PARN: variants seen among roughly 807,000 people sequenced by gnomAD.
PARN encodes the protein poly(A)-specific ribonuclease PARN.
Under a neutral mutation model 102.8 loss-of-function variants are expected in PARN, and 71 were observed. That is an observed-to-expected ratio of 0.69 (90% confidence interval 0.57 to 0.84). The LOEUF (loss-of-function observed/expected upper bound fraction) is 0.84. PARN is among the 40% of genes least tolerant of loss of function. The probability of loss-of-function intolerance (pLI) is 0.00; values close to 1 mark genes in which losing one functional copy is unlikely to be tolerated. For missense variants in PARN, 782 were observed against 760.9 expected (o/e 1.03, Z -0.33); for synonymous variants, 261 against 252.9 (o/e 1.03, Z -0.30).
At chr16:14,520,819 A>G (rs896665558) in intron 21 of PARN, among the ~76,000 whole-genome samples, 2 of 152,240 alleles carry the variant, frequency 1.3e-5, no homozygotes, top group African/African-American at 2.4e-5. Context: ...GAGATGAAAC[A>G]GGACTGGCCA....
At chr16:14,499,492 A>G (rs1030399202) in intron 21 of PARN, among the ~76,000 whole-genome samples, 2 of 152,196 alleles carry the variant, frequency 1.3e-5, no homozygotes, top group African/African-American at 4.8e-5. Flanking sequence ...CTGGACATTA[A>G]AAGGATCTGT....
chr16:14,538,812 C>T (rs1388873176), intron 21 of PARN, among the ~76,000 whole-genome samples: 1 of 152,144 alleles, frequency 6.6e-6, no homozygotes, highest in East Asian at 1.9e-4. Flanking sequence ...TTTACAGCCA[C>T]TCCCCATCGC....
In PARN at chr16:14,552,067, G is replaced by A. The variant is rs368012289; in HGVS notation, c.1434C>T (p.Asp478=). ...GGCTAAGGGAAACAAATGCTGATGTGTCATCAATCCAGGATATCTGAATGT... is the reference window on the plus strand; with the variant it reads ...GGCTAAGGGAAACAAATGCTGATGTATCATCAATCCAGGATATCTGAATGT... The part of the protein sequence containing the change: ...FGNIQISWID[D]TSAFVSLSQP... Residue 478 remains aspartate (D), a synonymous_variant, in exon 21 of 24, where the codon GAC becomes GAT. Transcript: ENST00000437198. 60 of 1,611,760 alleles carry A rather than the reference G, an allele frequency of 3.7e-5. No individual in the cohort carries two copies. In the African/African-American group the frequency reaches 7.2e-4, roughly 19 times the overall value.
intron 21 of PARN, among the ~76,000 whole-genome samples, chr16:14,532,827 C>G (rs1966422009): frequency 6.6e-6 from 1 of 151,030 alleles, no homozygotes; most frequent in Admixed American, 6.6e-5. Flanking sequence ...CCACCTCCCT[C>G]CCGGACGGGG....
chr16:14,447,574 C>G (rs1320499665), intron 22 of PARN, among the ~76,000 whole-genome samples: 1 of 152,210 alleles, frequency 6.6e-6, no homozygotes, highest in Non-Finnish European at 1.5e-5. Flanking sequence ...GCATACCCCA[C>G]CTTCATGTAA....
At chr16:14,472,860 C>T (rs1323361046) in intron 22 of PARN, among the ~76,000 whole-genome samples, 1 of 152,190 alleles carries the variant, frequency 6.6e-6, no homozygotes, top group African/African-American at 2.4e-5. Context: ...ACACTTTCTT[C>T]TCAATGTCCC....
At chr16:14,523,839 G>A (rs970474695) in intron 21 of PARN, among the ~76,000 whole-genome samples, 1 of 151,984 alleles carries the variant, frequency 6.6e-6, no homozygotes, top group African/African-American at 2.4e-5. Context: ...TAATGAAGGG[G>A]TATGTTCTGA....
chr16:14,626,013 T>C (rs1972631538), intron 5 of PARN, among the ~76,000 whole-genome samples: 1 of 152,204 alleles, frequency 6.6e-6, no homozygotes, highest in African/African-American at 2.4e-5. Flanking sequence ...GTCTACCAGG[T>C]CAGCTACAAC....
In PARN at chr16:14,610,052, AAAAAT is replaced by A. The variant is rs144968040; in HGVS notation, c.554+587_554+591del. Among the ~76,000 whole-genome samples, 497 of 152,304 alleles carry A rather than the reference AAAAAT, an allele frequency of 3.3e-3. 3 individuals carry two copies. Among genetic ancestry groups the A allele is most frequent in the African/African-American group, 0.011 (477 of 41,554 alleles). Reference sequence around the variant, plus strand: ...CATAGTGAGATCCGTCTCTATTAAAAAAAATAAAATAAAATAAAAAATCCACGCAG... The same window carrying A: ...CATAGTGAGATCCGTCTCTATTAAAAAAAATAAAATAAAAAATCCACGCAG... On this transcript the variant is annotated intron_variant, in intron 7 of 23. Transcript: ENST00000437198.
chr16:14,504,591 C>T (rs1488598677), intron 21 of PARN, among the ~76,000 whole-genome samples: 3 of 151,882 alleles, frequency 2.0e-5, no homozygotes, highest in Non-Finnish European at 4.4e-5. Context: ...ATAAAAATTA[C>T]GTGAGGGAGA....
Position 14,561,591 on chromosome 16 carries a change from T to A in PARN, c.1263-5882A>T, listed in dbSNP as rs571722188. 1.4e-4 allele frequency among the ~76,000 whole-genome samples: 22 copies of A among 152,270 alleles called. No homozygotes were observed. In the South Asian group the frequency reaches 4.6e-3, roughly 32 times the overall value. On this transcript the variant is annotated intron_variant, in intron 18 of 23. Transcript: ENST00000437198. ...CTTCGGGAGGCAGAAGTGGGAGAAT[T>A]ACTTGAGGCCTGGAGTTTGAGATCA...
chr16:14,486,365 T>A (rs1963692461), intron 21 of PARN, among the ~76,000 whole-genome samples: 1 of 152,142 alleles, frequency 6.6e-6, no homozygotes, highest in African/African-American at 2.4e-5. Flanking sequence ...AGCAAGACCC[T>A]ATCTCGAAAA....
In PARN at chr16:14,602,628, T is replaced by G. The variant is rs924799516; in HGVS notation, c.783+1518A>C. On this transcript the variant is annotated intron_variant, in intron 11 of 23. Transcript: ENST00000437198. ...CGGGCCATGCAGGTAAAGGCTAATCTGCGTCTTGGCCACAGACTCATCTGC... is the reference window on the plus strand; with the variant it reads ...CGGGCCATGCAGGTAAAGGCTAATCGGCGTCTTGGCCACAGACTCATCTGC... Among the ~76,000 whole-genome samples, 3 of 152,148 alleles carry G rather than the reference T, an allele frequency of 2.0e-5. No homozygotes were observed. In the East Asian group the frequency reaches 5.8e-4, roughly 29 times the overall value.
At chr16:14,566,190 A>C (rs1968416935) in intron 18 of PARN, among the ~76,000 whole-genome samples, 1 of 152,168 alleles carries the variant, frequency 6.6e-6, no homozygotes, top group African/African-American at 2.4e-5. Context: ...ATCTTAGTAG[A>C]TGTTATTATA....
chr16:14,603,664 G>GT (rs1255734165), intron 11 of PARN, among the ~76,000 whole-genome samples: 2 of 152,092 alleles, frequency 1.3e-5, no homozygotes, highest in African/African-American at 4.8e-5. Flanking sequence ...TCCTAGCTAG[G>GT]TTACTCCACA....
chr16:14,586,553 G>A (rs1425294043), intron 13 of PARN, among the ~76,000 whole-genome samples, 192 bp from the exon 14 acceptor site: 1 of 151,998 alleles, frequency 6.6e-6, no homozygotes, highest in Admixed American at 6.6e-5. Context: ...CTCACTCATT[G>A]GGAACCATAT....
chr16:14,527,349 C>G (rs770818603), intron 21 of PARN, among the ~76,000 whole-genome samples: 42 of 152,234 alleles, frequency 2.8e-4, no homozygotes, highest in Admixed American at 5.2e-4. Context: ...CCTTCTCTAT[C>G]TATAAAACCA....
intron 21 of PARN, among the ~76,000 whole-genome samples, chr16:14,534,098 A>C (rs1044930197): frequency 6.6e-6 from 1 of 152,026 alleles, no homozygotes; most frequent in Non-Finnish European, 1.5e-5. Flanking sequence ...ATGCTCCTGT[A>C]GTCCCAGCTA....
chr16:14,467,054 T>C (rs1207189593), intron 22 of PARN, among the ~76,000 whole-genome samples: 2 of 152,218 alleles, frequency 1.3e-5, no homozygotes, highest in Non-Finnish European at 2.9e-5. Context: ...CTGATGCCCC[T>C]GCAGGCAAAT....
Sources: allele counts gnomAD v4.1 joint callset (sites outside exome capture counted in the v4.1 genomes callset), GRCh38; gene constraint gnomAD v4.1.1; transcripts MANE v1.5; gene names NCBI Gene and HGNC (gene_info 2026-07-23, HGNC 2026-07-21).